The following SPTB variants were observed in gnomAD, a reference collection of about 807,000 sequenced individuals.
The protein encoded by SPTB is spectrin beta, erythrocytic.
A neutral mutation model predicts 256.2 loss-of-function variants in SPTB; 45 were observed. The observed-to-expected ratio is 0.18, with a 90% CI of 0.14 to 0.23. The LOEUF (loss-of-function observed/expected upper bound fraction) is 0.23. Ranked by LOEUF, SPTB falls within the 10% of genes least tolerant of loss-of-function variation. The pLI is 1.00. For missense variants in SPTB, 2,715 were observed against 3,040.4 expected (o/e 0.89, Z 2.52); for synonymous variants, 1,231 against 1,243.1 (o/e 0.99, Z 0.21).
Position 64,847,356 on chromosome 14 carries a change from C to A in SPTB, c.-51-24211G>T, listed in dbSNP as rs1274254649. ...CGGAACAAATCAGACAGCCCTCTTC[C>A]AAGTGTCGTATCATGTCTCAGGCTA... On this transcript the variant is annotated intron_variant, in intron 1 of 35. Transcript: ENST00000644917. This position sits in a 1 kb window ranked among gnomAD's most constrained non-coding sequence, Gnocchi z 5.9. 2.0e-5 allele frequency among the ~76,000 whole-genome samples: 3 copies of A among 152,302 alleles called. No individual in the cohort carries two copies. The East Asian group carries it at 5.8e-4, about 29-fold the overall frequency.
At chr14:64,761,052 C>G (rs229571) in intron 32 of SPTB, among the ~76,000 whole-genome samples, 44,362 of 152,108 alleles carry the variant, frequency 0.29, 7,699 homozygotes, top group African/African-American at 0.49. Flanking sequence ...AGCTGGAAGA[C>G]GGGCTTGGGG....
At chr14:64,810,725 CT>C (rs1488969766) in intron 2 of SPTB, among the ~76,000 whole-genome samples, 1 of 152,044 alleles carries the variant, frequency 6.6e-6, no homozygotes, top group Non-Finnish European at 1.5e-5. Context: ...ATGGTAAATG[CT>C]TTCTACAATG....
intron 1 of SPTB, among the ~76,000 whole-genome samples, chr14:64,855,559 C>T (rs1219909171): frequency 1.6e-5 from 2 of 122,294 alleles, no homozygotes; most frequent in Non-Finnish European, 3.6e-5. Flanking sequence ...AGGCTGGTCT[C>T]GAACTCCTAG....
chr14:64,783,204 G>A (rs1047231284), intron 19 of SPTB, among the ~76,000 whole-genome samples: 5 of 144,044 alleles, frequency 3.5e-5, no homozygotes, highest in African/African-American at 1.5e-4. Flanking sequence ...ACTAATAATA[G>A]TTAATTTTTT....
intron 30 of SPTB, 120 bp from the exon 31 acceptor site, chr14:64,767,472 G>A: frequency 6.9e-7 from 1 of 1,457,260 alleles, no homozygotes; most frequent in Non-Finnish European, 9.6e-7. Flanking sequence ...TCCTTCTAGA[G>A]TCAGCCCCTT....
At chr14:64,805,733 T>A (rs190339181) in intron 2 of SPTB, among the ~76,000 whole-genome samples, 4 of 152,264 alleles carry the variant, frequency 2.6e-5, no homozygotes, top group Admixed American at 2.6e-4. Flanking sequence ...CTGTTCCTAT[T>A]ATGTGGCAGC....
chr14:64,782,535 C>G lies in SPTB; in HGVS notation c.4021G>C (p.Asp1341His). The change falls in exon 20 of 36, where the codon GAT (aspartate) becomes CAT (histidine). Residue 1341 changes from aspartate to histidine, a missense_variant. By Grantham distance (81) the Asp-to-His change is moderately conservative. Around this residue, in one of 4 missense-constraint regions of SPTB, gnomAD observed 2,239 missense variants for 2,384.4 expected, o/e 0.94. Coordinates refer to ENST00000644917, the MANE Select transcript of SPTB (RefSeq NM_001355436.2). ...NIDAEGKQLM[D>H]EKPQFTALVS... The stretch of plus-strand genomic sequence containing the variant: ...AGGGCTGTAAACTGGGGCTTCTCAT[C>G]CATCAGCTGCTTTCCTTCCTAGGGG... The G allele has an allele frequency of 6.2e-7, 1 of 1,613,962 alleles. No individual in the cohort carries two copies.
rs1360554610 is a variant in SPTB, at chr14:64,778,776, T to C, written c.4563+381A>G. Among the ~76,000 whole-genome samples, 5 of 152,082 alleles carry C rather than the reference T, an allele frequency of 3.3e-5. No homozygotes were observed. The highest frequency in any genetic ancestry group is 1.2e-4 in the African/African-American group (5 of 41,400). On this transcript the variant is annotated intron_variant, in intron 22 of 35. Transcript: ENST00000644917. The surrounding 1 kb of genome is among the most constrained non-coding windows in gnomAD (Gnocchi z 5.2). The stretch of plus-strand genomic sequence containing the variant: ...CCCTGGAAGAGGGGCAAGGCAGTGT[T>C]GTGGGAGAGAGATCAGGAGTTACTG...
At position 64,822,982 on chromosome 14, in the gene SPTB, C is replaced by T. The variant is rs2083320304; in HGVS notation, c.113G>A (p.Arg38Lys). 6.2e-7 allele frequency: 1 copy of T among 1,613,980 alleles called. No individual in the cohort carries two copies. Among genetic ancestry groups the T allele is most frequent in the East Asian group, 2.2e-5 (1 of 44,878 alleles). The change falls in exon 2 of 36, where the codon AGG becomes AAG. Residue 38 changes from arginine to lysine, a missense_variant. Arg to Lys is a conservative substitution (Grantham distance 26, BLOSUM62 2). Around this residue, in one of 4 missense-constraint regions of SPTB, gnomAD observed 58 missense variants for 67.9 expected, o/e 0.85. Transcript: ENST00000644917. ...DELDNDNSSA[R>K]LFERSRIKAL... is the part of the protein sequence containing the mutation. ...CTTTATCCGGGACCTCTCAAAGAGC[C>T]TGGCTGAGCTGTTGTCATTATCCAG...
Position 64,774,433 on chromosome 14 carries a change from C to A in SPTB, c.4937G>T (p.Arg1646Leu). Residue 1646 changes from arginine to leucine, a missense_variant, in exon 24 of 36, where the codon CGG (arginine) becomes CTG (leucine). Physicochemically the swap from Arg to Leu is moderately radical, Grantham distance 102. This residue lies in a region of SPTB where 2,239 missense variants were observed against 2,384.4 expected (regional missense o/e 0.94). Coordinates refer to ENST00000644917, the MANE Select transcript of SPTB (RefSeq NM_001355436.2). ...YGRNIKQLAS[R>L]AQGLLSAGHP... ...GCCTGCAGACAGCAGGCCCTGGGCC[C>A]GGCTGGCCAGCTGCTTGATGTTCCG... 6.3e-7 allele frequency: 1 copy of A among 1,575,892 alleles called. No individual in the cohort carries two copies. Among genetic ancestry groups the A allele is most frequent in the East Asian group, 2.3e-5 (1 of 42,862 alleles).
intron 3 of SPTB, 79 bp downstream of exon 3, chr14:64,804,860 C>T (rs1594796006): frequency 1.3e-6 from 2 of 1,591,600 alleles, no homozygotes; most frequent in African/African-American, 1.3e-5. Context: ...GCCAGGAGAA[C>T]TTGAGATGCC....
At chr14:64,863,960 T>C (rs1357086780) in intron 1 of SPTB, among the ~76,000 whole-genome samples, 1 of 152,210 alleles carries the variant, frequency 6.6e-6, no homozygotes, top group Non-Finnish European at 1.5e-5. Context: ...AGTGAAGGTA[T>C]TTGAAGCCCT....
Position 64,841,235 on chromosome 14 carries a change from A to C in SPTB, c.-51-18090T>G, listed in dbSNP as rs1290035907. Among the ~76,000 whole-genome samples, 4 of 152,148 alleles carry C rather than the reference A, an allele frequency of 2.6e-5. No individual in the cohort carries two copies. Among genetic ancestry groups the C allele is most frequent in the African/African-American group, 9.7e-5 (4 of 41,420 alleles). On this transcript the variant is annotated intron_variant, in intron 1 of 35. Coordinates refer to ENST00000644917, the MANE Select transcript of SPTB (RefSeq NM_001355436.2). This position sits in a 1 kb window ranked among gnomAD's most constrained non-coding sequence, Gnocchi z 4.6. ...AGGGTTCAGTGACTTGCCCCAGTAC[A>C]TCAGCCTGTAAATGACAGAGCCAGG...
chr14:64,843,372 T>C (rs2083637927), intron 1 of SPTB, among the ~76,000 whole-genome samples: 1 of 152,154 alleles, frequency 6.6e-6, no homozygotes, highest in South Asian at 2.1e-4. Context: ...ACTCAAGGTC[T>C]GTCATGTTGT....
rs1006330579 is a variant in SPTB, at chr14:64,764,237, G to A, written c.6345+2489C>T. Among the ~76,000 whole-genome samples the A allele has an allele frequency of 5.3e-5, 8 of 152,232 alleles. No individual in the cohort carries two copies. Among genetic ancestry groups the A allele is most frequent in the Admixed American group, 5.2e-4 (8 of 15,288 alleles). On this transcript the variant is annotated intron_variant, in intron 32 of 35. Transcript: ENST00000644917. The surrounding 1 kb of genome is among the most constrained non-coding windows in gnomAD (Gnocchi z 4.2). ...GAAGGACCAGCCACTGGGCTTGCAA[G>A]GAGCCTTCTAGAGCCAGGTTGGGCT... is the stretch of plus-strand genomic sequence containing the variant.
chr14:64,785,658 T>C lies in SPTB; in HGVS notation c.3765-31A>G. On this transcript the variant is annotated intron_variant, in intron 17 of 35. Transcript: ENST00000644917. This position sits in a 1 kb window ranked among gnomAD's most constrained non-coding sequence, Gnocchi z 4.4. The stretch of plus-strand genomic sequence containing the variant: ...AAGGAAGCCAAAAGCACAGTCACAA[T>C]AGTGCCGAGCTTGGGGTCCTCACCA... 6.2e-7 allele frequency: 1 copy of C among 1,613,572 alleles called. No homozygotes were observed. The highest frequency in any genetic ancestry group is 8.5e-7 in the Non-Finnish European group (1 of 1,179,528).
intron 1 of SPTB, among the ~76,000 whole-genome samples, chr14:64,875,757 T>G (rs567876750): frequency 6.6e-6 from 1 of 152,340 alleles, no homozygotes; most frequent in Non-Finnish European, 1.5e-5. Flanking sequence ...GCTTGTGATA[T>G]CCATATGGTT....
Position 64,779,960 on chromosome 14 carries a change from C to T in SPTB, c.4267-29G>A. 3 of 1,589,536 alleles carry T rather than the reference C, an allele frequency of 1.9e-6. No individual in the cohort carries two copies. The highest frequency in any genetic ancestry group is 2.2e-5 in the South Asian group (2 of 90,522). On this transcript the variant is annotated intron_variant, in intron 20 of 35. Transcript: ENST00000644917. The surrounding 1 kb of genome is among the most constrained non-coding windows in gnomAD (Gnocchi z 4.2). ...AGACACAAGGGGACGGTGTCAGCAC[C>T]AGCCTTGGCACCTGCACAGCCCCTC... is the stretch of plus-strand genomic sequence containing the variant.
intron 1 of SPTB, among the ~76,000 whole-genome samples, chr14:64,851,681 G>T (rs1336455106): frequency 6.6e-6 from 1 of 152,160 alleles, no homozygotes; most frequent in Non-Finnish European, 1.5e-5. Flanking sequence ...ATACTATGCA[G>T]CCATAAAAAG....
Sources: allele counts gnomAD v4.1 joint callset (sites outside exome capture counted in the v4.1 genomes callset), GRCh38; gene constraint gnomAD v4.1.1; regional missense constraint gnomAD v4.1.1; non-coding constraint Gnocchi (gnomAD v3.1); transcripts MANE v1.5; gene names NCBI Gene and HGNC (gene_info 2026-07-23, HGNC 2026-07-21).